INPP5F: variants seen among roughly 807,000 people sequenced by gnomAD.
INPP5F encodes the protein phosphatidylinositide 4-phosphatase SAC2.
A neutral mutation model predicts 137.2 loss-of-function variants in INPP5F; 97 were observed. The ratio of observed to expected loss-of-function variants is 0.71; its 90% CI spans 0.60 to 0.84. The LOEUF is 0.84. INPP5F is among the 40% of genes least tolerant of loss of function. INPP5F has a pLI of 0.00. For missense variants in INPP5F, 1,271 were observed against 1,371.9 expected (o/e 0.93, Z 1.16); for synonymous variants, 504 against 476.9 (o/e 1.06, Z -0.74).
At chr10:119,760,155 G>A (rs544097455) in intron 2 of INPP5F, among the ~76,000 whole-genome samples, 29 of 152,230 alleles carry the variant, frequency 1.9e-4, no homozygotes, top group South Asian at 8.3e-4. Context: ...AGGCAGGCTA[G>A]CGTGCCTCAT....
chr10:119,781,530 T>A (rs947683888), intron 2 of INPP5F, 105 bp from the exon 3 acceptor site: 2 of 963,268 alleles, frequency 2.1e-6, no homozygotes, highest in Admixed American at 3.1e-5. Context: ...TTATTTTGGA[T>A]GCACACTTTT....
rs1481710825 is a variant in INPP5F at position 119,795,482 on chromosome 10, C to T, written c.670-1233C>T. On this transcript the variant is annotated intron_variant, in intron 6 of 19. Coordinates refer to ENST00000650623, the MANE Select transcript of INPP5F (RefSeq NM_014937.4). ...TGCTCCCCACCTCTCAGACGATGGG[C>T]GGCCGGGCAGAGACGCTCCTCACTT... Among the ~76,000 whole-genome samples, 5 of 149,954 alleles carry T rather than the reference C, an allele frequency of 3.3e-5. No homozygotes were observed. In the East Asian group the frequency reaches 7.9e-4, roughly 24 times the overall value.
intron 9 of INPP5F, among the ~76,000 whole-genome samples, chr10:119,803,657 G>C (rs148829530): frequency 5.3e-5 from 8 of 152,188 alleles, no homozygotes; most frequent in African/African-American, 1.9e-4. Context: ...AACAGATCCT[G>C]ATTGAATTTT....
intron 2 of INPP5F, among the ~76,000 whole-genome samples, chr10:119,766,416 A>G (rs1373887797): frequency 1.3e-5 from 2 of 152,214 alleles, no homozygotes; most frequent in African/African-American, 4.8e-5. Flanking sequence ...GAGATCAAGA[A>G]AACTAGTCAG....
chr10:119,773,712 G>C (rs1336776200), intron 2 of INPP5F, among the ~76,000 whole-genome samples: 1 of 151,826 alleles, frequency 6.6e-6, no homozygotes, highest in East Asian at 1.9e-4. Flanking sequence ...CTCTTGCTCT[G>C]TCTCCAATGT....
chr10:119,819,496 G>A (rs771615298), intron 15 of INPP5F: 8 of 1,604,564 alleles, frequency 5.0e-6, no homozygotes, highest in Admixed American at 3.4e-5. Flanking sequence ...GTGTCATGAC[G>A]TAATTTTTAT....
chr10:119,794,216 GACTCTTAA>G (rs1850245487), intron 6 of INPP5F, among the ~76,000 whole-genome samples: 1 of 151,754 alleles, frequency 6.6e-6, no homozygotes. Flanking sequence ...GAGTGGTGAT[GACTCTTAA>G]AGAGCATGCT....
At position 119,787,254 on chromosome 10, in the gene INPP5F, CTG is replaced by C. The variant is rs1849951141; in HGVS notation, c.316-4261_316-4260del. ...AAGGGATGATGGGCTTATATTAACT[CTG>C]TTTCAAGCCCAGGATGAGGGTAGAT... On this transcript the variant is annotated intron_variant, in intron 3 of 19. Coordinates refer to ENST00000650623, the MANE Select transcript of INPP5F (RefSeq NM_014937.4). This position sits in a 1 kb window ranked among gnomAD's most constrained non-coding sequence, Gnocchi z 4.1. 1.3e-5 allele frequency among the ~76,000 whole-genome samples: 2 copies of C among 152,136 alleles called. No individual in the cohort carries two copies. The highest frequency in any genetic ancestry group is 4.1e-4 in the South Asian group (2 of 4,826).
In INPP5F at chr10:119,828,150, T is replaced by C. The variant is rs1851846560; in HGVS notation, c.*370T>C. On this transcript the variant is annotated 3_prime_UTR_variant, in exon 20 of 20. Transcript: ENST00000650623. Reference sequence around the variant, plus strand: ...TAGGGGATTAGCGTTTTTCATAATTTGTTCTGTTTGTCAGTTCATTCCTGT... The same window carrying C: ...TAGGGGATTAGCGTTTTTCATAATTCGTTCTGTTTGTCAGTTCATTCCTGT... The C allele has an allele frequency of 5.9e-6, 1 of 169,258 alleles. No individual in the cohort carries two copies. Among genetic ancestry groups the C allele is most frequent in the Admixed American group, 5.7e-5 (1 of 17,566 alleles). 10.5% of individuals were successfully genotyped at this position (169,258 alleles called of 1,614,324 possible). A position where few individuals can be genotyped will look rare whatever the true frequency, so the allele number is the denominator to read the frequency against.
intron 7 of INPP5F, 121 bp downstream of exon 7, chr10:119,797,034 G>A: frequency 1.0e-6 from 1 of 963,336 alleles, no homozygotes; most frequent in Non-Finnish European, 1.6e-6. Flanking sequence ...CAAAGTGCTT[G>A]GGGACTCTAA....
chr10:119,755,466 C>A (rs149483687), intron 2 of INPP5F, among the ~76,000 whole-genome samples: 1 of 152,188 alleles, frequency 6.6e-6, no homozygotes, highest in African/African-American at 2.4e-5. Context: ...CTAATTACCC[C>A]CTTCGAAGAC....
chr10:119,757,231 TGCCTG>T (rs1285424876), intron 2 of INPP5F, among the ~76,000 whole-genome samples: 4 of 151,892 alleles, frequency 2.6e-5, no homozygotes, highest in Admixed American at 2.6e-4. Flanking sequence ...TGCGTCACCA[TGCCTG>T]GCTTATTTTT....
intron 14 of INPP5F, among the ~76,000 whole-genome samples, chr10:119,811,483 C>T (rs887224788): frequency 4.6e-5 from 7 of 152,050 alleles, no homozygotes; most frequent in Non-Finnish European, 8.8e-5. Flanking sequence ...AATATTTTCT[C>T]CTGTTCTAGG....
At chr10:119,733,044 T>G (rs1349130076) in intron 1 of INPP5F, among the ~76,000 whole-genome samples, 1 of 152,210 alleles carries the variant, frequency 6.6e-6, no homozygotes, top group Non-Finnish European at 1.5e-5. Context: ...GACAAAAATG[T>G]TTTGTGAACC....
At chr10:119,807,790 TA>T in intron 12 of INPP5F, 141 bp from the exon 13 acceptor site, 1 of 689,974 alleles carries the variant, frequency 1.4e-6, no homozygotes, top group Non-Finnish European at 2.3e-6. Context: ...ACTACTTTAT[TA>T]AAAATGAGTC....
At chr10:119,750,870 T>A (rs1848671973) in intron 1 of INPP5F, among the ~76,000 whole-genome samples, 1 of 152,228 alleles carries the variant, frequency 6.6e-6, no homozygotes, top group Non-Finnish European at 1.5e-5. Context: ...TCCCCTTAAC[T>A]GTCCGAAGCC....
intron 6 of INPP5F, among the ~76,000 whole-genome samples, chr10:119,792,753 AT>A (rs1250340802): frequency 6.6e-6 from 1 of 152,136 alleles, no homozygotes; most frequent in African/African-American, 2.4e-5. Context: ...TTTCTTGGTC[AT>A]GTATGTTGGA....
At chr10:119,808,545 T>C (rs1472963131) in intron 13 of INPP5F, among the ~76,000 whole-genome samples, 1 of 152,250 alleles carries the variant, frequency 6.6e-6, no homozygotes, top group African/African-American at 2.4e-5. Flanking sequence ...AAGACTGTTA[T>C]GGGATCATAT....
In INPP5F at chr10:119,791,866, T is replaced by A; in HGVS notation, c.445-3T>A. The A allele has an allele frequency of 6.3e-7, 1 of 1,583,038 alleles. No homozygotes were observed. The highest frequency in any genetic ancestry group is 8.6e-7 in the Non-Finnish European group (1 of 1,162,472). On this transcript the variant is annotated splice_polypyrimidine_tract_variant and splice_region_variant and intron_variant, in intron 4 of 19. Coordinates refer to ENST00000650623, the MANE Select transcript of INPP5F (RefSeq NM_014937.4). The stretch of plus-strand genomic sequence containing the variant: ...GTAGTAATAGTAGATTAATTTCTTA[T>A]AGGTTAAGGAAAGTAAAGAGAAGGA...
Sources: allele counts gnomAD v4.1 joint callset (sites outside exome capture counted in the v4.1 genomes callset), GRCh38; gene constraint gnomAD v4.1.1; non-coding constraint Gnocchi (gnomAD v3.1); transcripts MANE v1.5; gene names NCBI Gene and HGNC (gene_info 2026-07-23, HGNC 2026-07-21).